The following MBD5 variants were observed in gnomAD, a reference collection of about 807,000 sequenced individuals.
MBD5 encodes methyl-CpG-binding domain protein 5.
Under a neutral mutation model 117.3 loss-of-function variants are expected in MBD5, and 13 were observed. That is an observed-to-expected ratio of 0.11 (90% CI 0.07 to 0.18). MBD5 has a LOEUF of 0.18. Among genes scored for constraint, MBD5 ranks in the 10% least tolerant of loss-of-function variants. MBD5 has a pLI of 1.00. For synonymous variants in MBD5, 727 were observed against 766.4 expected (o/e 0.95, Z 0.85); for missense variants, 1,879 against 2,093.8 (o/e 0.90, Z 2.00).
chr2:148,483,044 T>G lies in MBD5; in HGVS notation c.2519-66T>G, dbSNP rs933733974. The G allele has an allele frequency of 2.6e-6, 4 of 1,543,168 alleles. No individual in the cohort carries two copies. The African/African-American group carries it at 5.5e-5, about 21-fold the overall frequency. ...TTAAATTTATGTTAATGCATTTTTA[T>G]GCCTAGTCTCACATAACATTCATGA... is the stretch of plus-strand genomic sequence containing the variant. On this transcript the variant is annotated intron_variant, in intron 8 of 13. Coordinates refer to ENST00000642680, the MANE Select transcript of MBD5 (RefSeq NM_001378120.1).
At chr2:148,127,546 C>G (rs188831666) in intron 1 of MBD5, among the ~76,000 whole-genome samples, 252 of 152,262 alleles carry the variant, frequency 1.7e-3, no homozygotes, top group African/African-American at 5.7e-3. Context: ...TCATGCATGT[C>G]CCTGCAAAGG....
rs767948358 is a variant in MBD5 at position 148,470,477 on chromosome 2, A to G, written c.2518+16A>G. 3 of 1,572,908 alleles carry G rather than the reference A, an allele frequency of 1.9e-6. No homozygotes were observed. The highest frequency in any genetic ancestry group is 2.6e-6 in the Non-Finnish European group (3 of 1,161,866). ...TCTGAAGCAGGTATGGTTTTATTAG[A>G]AAAAAGTACCCAAAGGTACTAAACT... On this transcript the variant is annotated intron_variant, in intron 8 of 13. Transcript: ENST00000642680.
At chr2:148,150,155 A>G (rs974162682) in intron 1 of MBD5, among the ~76,000 whole-genome samples, 2 of 139,124 alleles carry the variant, frequency 1.4e-5, no homozygotes, top group African/African-American at 5.3e-5. Flanking sequence ...AGCTTTCTAC[A>G]TATGGCTAGC....
At chr2:148,339,226 A>G (rs1005111981) in intron 3 of MBD5, among the ~76,000 whole-genome samples, 4 of 152,152 alleles carry the variant, frequency 2.6e-5, no homozygotes, top group African/African-American at 9.7e-5. Flanking sequence ...TGGATGAAAC[A>G]CATTCCTCAC....
intron 7 of MBD5, among the ~76,000 whole-genome samples, chr2:148,464,966 T>C (rs1357273765): frequency 6.6e-6 from 1 of 151,518 alleles, no homozygotes; most frequent in Non-Finnish European, 1.5e-5. Context: ...CAAAACTCTG[T>C]CTTGATTAAA....
chr2:148,095,737 T>A (rs1696052974), intron 1 of MBD5, among the ~76,000 whole-genome samples: 1 of 152,094 alleles, frequency 6.6e-6, no homozygotes. Context: ...TAGTTTTTTT[T>A]TTTTAACTTT....
At chr2:148,357,017 A>G (rs769910091) in intron 4 of MBD5, among the ~76,000 whole-genome samples, 1 of 152,154 alleles carries the variant, frequency 6.6e-6, no homozygotes, top group Non-Finnish European at 1.5e-5. Flanking sequence ...TATACTCACA[A>G]GTTATCCAGG....
At chr2:148,090,320 A>G (rs1387935516) in intron 1 of MBD5, among the ~76,000 whole-genome samples, 2 of 152,078 alleles carry the variant, frequency 1.3e-5, no homozygotes, top group Non-Finnish European at 2.9e-5. Flanking sequence ...GATAGAGAGA[A>G]TCTTCCCTAA....
At chr2:148,022,016 G>T (rs977501613) in intron 1 of MBD5, among the ~76,000 whole-genome samples, 1 of 152,296 alleles carries the variant, frequency 6.6e-6, no homozygotes, top group East Asian at 1.9e-4. Flanking sequence ...GAGACAGAAA[G>T]AGGCACACTT....
intron 1 of MBD5, among the ~76,000 whole-genome samples, chr2:148,086,892 T>G (rs1205055067): frequency 6.6e-6 from 1 of 152,212 alleles, no homozygotes; most frequent in African/African-American, 2.4e-5. Flanking sequence ...ATTACCCATT[T>G]GACCCTTCTC....
chr2:148,468,410 T>C lies in MBD5; in HGVS notation c.467T>C (p.Ile156Thr), dbSNP rs1465957655. ...GTAAGAAATAAGTCTCATGAAGGAATTACAAATTCTGTAATGCCTGAATGT... is the reference window on the plus strand; with the variant it reads ...GTAAGAAATAAGTCTCATGAAGGAACTACAAATTCTGTAATGCCTGAATGT... The part of the protein sequence containing the change: ...RSVRNKSHEG[I>T]TNSVMPECKN... The change falls in exon 8 of 14, where the codon ATT (isoleucine) becomes ACT (threonine). Residue 156 changes from isoleucine (I) to threonine (T), a missense_variant. Transcript: ENST00000642680. 1.2e-6 allele frequency: 2 copies of C among 1,613,746 alleles called. No homozygotes were observed. The highest frequency in any genetic ancestry group is 3.3e-5 in the Admixed American group (2 of 59,980).
At chr2:148,310,411 C>T (rs1331332517) in intron 3 of MBD5, among the ~76,000 whole-genome samples, 2 of 151,968 alleles carry the variant, frequency 1.3e-5, no homozygotes, top group Non-Finnish European at 2.9e-5. Flanking sequence ...ATTTCTTCTA[C>T]ATTTTCTAGT....
intron 3 of MBD5, among the ~76,000 whole-genome samples, chr2:148,322,118 C>T (rs923949454): frequency 5.9e-5 from 9 of 152,006 alleles, no homozygotes; most frequent in Non-Finnish European, 8.8e-5. Flanking sequence ...ATAGGCTAGC[C>T]GAGAAGGCAG....
chr2:148,488,036 A>G (rs933970413), intron 10 of MBD5, among the ~76,000 whole-genome samples: 1 of 152,196 alleles, frequency 6.6e-6, no homozygotes, highest in African/African-American at 2.4e-5. Flanking sequence ...AAAGAAGGGA[A>G]GGTATAATAA....
chr2:148,216,368 G>A (rs1307929064), intron 2 of MBD5, among the ~76,000 whole-genome samples: 1 of 152,158 alleles, frequency 6.6e-6, no homozygotes, highest in African/African-American at 2.4e-5. Flanking sequence ...CCCAAGAGCT[G>A]TCTATAATGT....
intron 1 of MBD5, among the ~76,000 whole-genome samples, chr2:148,128,180 G>A (rs961129347): frequency 6.6e-6 from 1 of 152,090 alleles, no homozygotes; most frequent in African/African-American, 2.4e-5. Context: ...TCTGTACGTT[G>A]TCTGTTCACT....
intron 1 of MBD5, among the ~76,000 whole-genome samples, chr2:148,133,524 T>A (rs932180540): frequency 2.6e-5 from 4 of 152,192 alleles, no homozygotes; most frequent in African/African-American, 7.2e-5. Flanking sequence ...AATAGTATGT[T>A]TAAATAAAAC....
intron 8 of MBD5, among the ~76,000 whole-genome samples, chr2:148,478,932 T>G (rs1681056454): frequency 6.6e-6 from 1 of 152,164 alleles, no homozygotes; most frequent in South Asian, 2.1e-4. Flanking sequence ...ACAAAATATC[T>G]TGGCTGCAAA....
chr2:148,087,836 G>A (rs1695834259), intron 1 of MBD5, among the ~76,000 whole-genome samples: 1 of 152,112 alleles, frequency 6.6e-6, no homozygotes, highest in African/African-American at 2.4e-5. Flanking sequence ...GACCACACTA[G>A]CTTGCTAGCA....
Sources: gnomAD v4.1 joint callset for allele counts (sites outside exome capture counted in the v4.1 genomes callset) on GRCh38, gnomAD v4.1.1 for gene constraint, MANE v1.5 for transcripts, NCBI Gene and HGNC (gene_info 2026-07-23, HGNC 2026-07-21) for gene names.